Variants in POLL observed in about 807,000 individuals in gnomAD.
POLL encodes the protein DNA polymerase beta-2.
POLL carries 44 observed loss-of-function variants against 58.1 expected under a neutral mutation model. The ratio of observed to expected loss-of-function variants is 0.76; its 90% CI spans 0.60 to 0.97. The LOEUF (loss-of-function observed/expected upper bound fraction) is 0.97, where lower values mean the gene tolerates loss of function less well. Ranked by LOEUF, POLL falls within the 50% of genes least tolerant of loss-of-function variation. POLL has a pLI of 0.00. For missense variants in POLL, 632 were observed against 736.8 expected, an observed-to-expected ratio of 0.86 and a Z score of 1.65; for synonymous variants, 290 against 283.2, an observed-to-expected ratio of 1.02 and a Z score of -0.24.
Position 101,583,586 on chromosome 10 carries a change from A to G in POLL, c.987T>C (p.Ser329=). Residue 329 remains serine (S), a synonymous_variant, in exon 6 of 9, where the codon AGT becomes AGC. Coordinates refer to ENST00000370162, the MANE Select transcript of POLL (RefSeq NM_001174084.2). ...SGHLRKLDHI[S]ESVPVLELFS... is the part of the protein sequence containing the mutation. ...AGAGCTCCAAGACAGGCACGCTCTCACTGATATGGTCCAGCTTCCGCAAAT... is the reference window on the plus strand; with the variant it reads ...AGAGCTCCAAGACAGGCACGCTCTCGCTGATATGGTCCAGCTTCCGCAAAT... The G allele has an allele frequency of 6.2e-7, 1 of 1,613,966 alleles. No homozygotes were observed. The highest frequency in any genetic ancestry group is 2.2e-5 in the East Asian group (1 of 44,872).
rs2063427560 is a variant in POLL at position 101,587,326 on chromosome 10, T to G, written c.35A>C (p.Lys12Thr). ...TGCATCAGCATGAATTTTCTGCCGC[T>G]TGGGAAATGCCTTCAAGATACCCCT... ...DPRGILKAFP[K>T]RQKIHADASS... The change falls in exon 2 of 9, where the codon AAG becomes ACG. Residue 12 changes from lysine to threonine, a missense_variant. Physicochemically the swap from Lys to Thr is moderately conservative, Grantham distance 78. Transcript: ENST00000370162. 1.2e-6 allele frequency: 2 copies of G among 1,614,068 alleles called. No individual in the cohort carries two copies. Among genetic ancestry groups the G allele is most frequent in the African/African-American group, 2.7e-5 (2 of 74,928 alleles).
chr10:101,580,018 G>A lies in POLL; in HGVS notation c.1364-201C>T. On this transcript the variant is annotated intron_variant, in intron 8 of 8. Coordinates refer to ENST00000370162, the MANE Select transcript of POLL (RefSeq NM_001174084.2). This position sits in a 1 kb window ranked among gnomAD's most constrained non-coding sequence, Gnocchi z 4.1. ...CCATAGTGTCACAGAAAGATCAGAT[G>A]AGATACTTGGCCTGCAGGGTTCACT... The A allele has an allele frequency of 1.4e-6, 1 of 706,166 alleles. No individual in the cohort carries two copies. The highest frequency in any genetic ancestry group is 2.3e-6 in the Non-Finnish European group (1 of 432,410). 43.7% of individuals were successfully genotyped at this position (706,166 alleles called of 1,614,324 possible).
rs1353967284 is a variant in POLL, at chr10:101,586,116, G to A, written c.156C>T (p.Gly52=). ...AGAGTTCTGCCCGGGCTCGTCCAAT[G>A]CCAGTGCGCACAACATGGGCCCGAA... The part of the protein sequence containing the change: ...SSLRAHVVRT[G]IGRARAELFE... Residue 52 remains glycine (G), a synonymous_variant, in exon 3 of 9, where the codon GGC becomes GGT. Coordinates refer to ENST00000370162, the MANE Select transcript of POLL (RefSeq NM_001174084.2). 1 of 1,613,670 alleles carries A rather than the reference G, an allele frequency of 6.2e-7. No homozygotes were observed. The highest frequency in any genetic ancestry group is 8.5e-7 in the Non-Finnish European group (1 of 1,179,948).
rs1246968093 is a variant in POLL at position 101,579,894 on chromosome 10, T to C, written c.1364-77A>G. 1.3e-6 allele frequency: 2 copies of C among 1,504,538 alleles called. No homozygotes were observed. The highest frequency in any genetic ancestry group is 8.9e-7 in the Non-Finnish European group (1 of 1,120,712). 93.2% of individuals were successfully genotyped at this position (1,504,538 alleles called of 1,614,324 possible). A position where few individuals can be genotyped will look rare whatever the true frequency, so the allele number is the denominator to read the frequency against. On this transcript the variant is annotated intron_variant, in intron 8 of 8. Transcript: ENST00000370162. This position sits in a 1 kb window ranked among gnomAD's most constrained non-coding sequence, Gnocchi z 4.4. ...TCCCATCCTCCCAGGTCTCTCCTGA[T>C]GTCTAAGCTGGGGCTTGCCCAGGTA...
At position 101,579,274 on chromosome 10, in the gene POLL, G is replaced by A. The variant is rs191817637; in HGVS notation, c.*179C>T. The stretch of plus-strand genomic sequence containing the variant: ...GAGGGCTGGGCAGACACTGGGAGCC[G>A]GGCAGACACTGGGAGCCGGGCTGGC... On this transcript the variant is annotated 3_prime_UTR_variant, in exon 9 of 9. Coordinates refer to ENST00000370162, the MANE Select transcript of POLL (RefSeq NM_001174084.2). This position sits in a 1 kb window ranked among gnomAD's most constrained non-coding sequence, Gnocchi z 4.4. The A allele has an allele frequency of 4.3e-5, 29 of 674,414 alleles. No homozygotes were observed. The highest frequency in any genetic ancestry group is 4.2e-4 in the Middle Eastern group (1 of 2,392). The allele number at this position is 674,414 out of a possible 1,614,324, so 41.8% of individuals were successfully genotyped here.
chr10:101,580,131 G>C lies in POLL; in HGVS notation c.1363+117C>G. The C allele has an allele frequency of 1.1e-6, 1 of 936,662 alleles. No individual in the cohort carries two copies. The highest frequency in any genetic ancestry group is 1.6e-6 in the Non-Finnish European group (1 of 611,256). 58.0% of individuals were successfully genotyped at this position (936,662 alleles called of 1,614,324 possible). A position where few individuals can be genotyped will look rare whatever the true frequency, so the allele number is the denominator to read the frequency against. ...GATAGAGAGATGGGATGCTGGCAAA[G>C]CACTGTTCCCCTGCTTCCTGCCTCA... On this transcript the variant is annotated intron_variant, in intron 8 of 8. Transcript: ENST00000370162. The surrounding 1 kb of genome is among the most constrained non-coding windows in gnomAD (Gnocchi z 4.1).
rs2063256670 is a variant in POLL at position 101,585,329 on chromosome 10, T to G, written c.560A>C (p.Asn187Thr). 6.4e-7 allele frequency: 1 copy of G among 1,573,676 alleles called. No individual in the cohort carries two copies. The highest frequency in any genetic ancestry group is 1.4e-5 in the African/African-American group (1 of 73,484). Residue 187 changes from asparagine (N) to threonine (T), a missense_variant, in exon 4 of 9, where the codon AAC becomes ACC. Physicochemically the swap from Asn to Thr is moderately conservative, Grantham distance 65. Transcript: ENST00000370162. ...GAGGCTCCTGACCTGGGCTTGGGTG[T>G]TTGGTGCCTCTTTTGCCTTTTGGGG... ...SPPQKAKEAP[N>T]TQAQPISDDE...
At chr10:101,586,975 A>T in intron 2 of POLL, 1 of 504,222 alleles carries the variant, frequency 2.0e-6, no homozygotes, top group Non-Finnish European at 3.6e-6. Flanking sequence ...CCCAGTCCTC[A>T]GGGCAAAAAT....
chr10:101,583,386 A>G (rs2063111981), intron 6 of POLL, 122 bp downstream of exon 6: 2 of 1,074,050 alleles, frequency 1.9e-6, no homozygotes, highest in Middle Eastern at 6.2e-4. Flanking sequence ...TGGTCTCCCT[A>G]TACTGTGGGT....
chr10:101,580,103 C>G lies in POLL; in HGVS notation c.1363+145G>C. 1 of 777,204 alleles carries G rather than the reference C, an allele frequency of 1.3e-6. No individual in the cohort carries two copies. The allele number at this position is 777,204 out of a possible 1,614,324, so 48.1% of individuals were successfully genotyped here. ...ATCTCTCCCTGGAGAGGATTCCGGC[C>G]CCGATAGAGAGATGGGATGCTGGCA... is the stretch of plus-strand genomic sequence containing the variant. On this transcript the variant is annotated intron_variant, in intron 8 of 8. Coordinates refer to ENST00000370162, the MANE Select transcript of POLL (RefSeq NM_001174084.2). The surrounding 1 kb of genome is among the most constrained non-coding windows in gnomAD (Gnocchi z 4.1).
rs755429216 is a variant in POLL, at chr10:101,579,475, T to C, written c.1706A>G (p.Glu569Gly). ...GGGTCACCAGTCCCGCTCAGCAGGT[T>C]CTCGGTAGGGGAGGCCTAAGAGCCT... ...VFRLLGLPYR[E>G]PAERDW Residue 569 changes from glutamate (E) to glycine (G), a missense_variant, in exon 9 of 9, where the codon GAA becomes GGA. By Grantham distance (98) the Glu-to-Gly change is moderately conservative. Coordinates refer to ENST00000370162, the MANE Select transcript of POLL (RefSeq NM_001174084.2). This position sits in a 1 kb window ranked among gnomAD's most constrained non-coding sequence, Gnocchi z 4.4. 17 of 1,610,346 alleles carry C rather than the reference T, an allele frequency of 1.1e-5. No individual in the cohort carries two copies. The highest frequency in any genetic ancestry group is 3.4e-5 in the Admixed American group (2 of 59,670).
rs1311628886 is a variant in POLL at position 101,587,404 on chromosome 10, C to A, written c.-44G>T. 3 of 1,611,488 alleles carry A rather than the reference C, an allele frequency of 1.9e-6. No homozygotes were observed. Among genetic ancestry groups the A allele is most frequent in the African/African-American group, 1.3e-5 (1 of 74,838 alleles). On this transcript the variant is annotated splice_region_variant and 5_prime_UTR_variant, in exon 2 of 9. Transcript: ENST00000370162. Reference sequence around the variant, plus strand: ...CGGCCTATTGGAGCGTTGGTCAGGGCTGCTGCACGTGGAAATCCAGAATTG... The same window carrying A: ...CGGCCTATTGGAGCGTTGGTCAGGGATGCTGCACGTGGAAATCCAGAATTG...
At chr10:101,581,952 T>C (rs1489155276) in intron 7 of POLL, 1 of 152,138 alleles carries the variant, frequency 6.6e-6, no homozygotes, top group Non-Finnish European at 1.5e-5. Context: ...ATTATAGGCA[T>C]GAGCCACGGC....
rs1033878040 is a variant in POLL, at chr10:101,579,174, G to A, written c.*279C>T. ...GCCACCTGCTCCTGCTTAAAATGGG[G>A]CAAGGGGCCATTTGCAAAATTCTTC... is the stretch of plus-strand genomic sequence containing the variant. On this transcript the variant is annotated 3_prime_UTR_variant, in exon 9 of 9. Coordinates refer to ENST00000370162, the MANE Select transcript of POLL (RefSeq NM_001174084.2). This position sits in a 1 kb window ranked among gnomAD's most constrained non-coding sequence, Gnocchi z 4.4. 9 of 458,528 alleles carry A rather than the reference G, an allele frequency of 2.0e-5. No individual in the cohort carries two copies. The highest frequency in any genetic ancestry group is 3.1e-5 in the Non-Finnish European group (8 of 255,962). The allele number at this position is 458,528 out of a possible 1,614,324, so 28.4% of individuals were successfully genotyped here. A position where few individuals can be genotyped will look rare whatever the true frequency, so the allele number is the denominator to read the frequency against.
At chr10:101,587,192 A>G in intron 2 of POLL, 54 bp downstream of exon 2, 1 of 1,613,716 alleles carries the variant, frequency 6.2e-7, no homozygotes, top group Non-Finnish European at 8.5e-7. Flanking sequence ...GGGCTGAAGC[A>G]CATGAAGGCT....
Position 101,582,986 on chromosome 10 carries a change from T to G in POLL, c.1066-95A>C, listed in dbSNP as rs1405821744. The G allele has an allele frequency of 2.6e-6, 4 of 1,521,120 alleles. No homozygotes were observed. The African/African-American group carries it at 5.5e-5, about 21-fold the overall frequency. 94.2% of individuals were successfully genotyped at this position (1,521,120 alleles called of 1,614,324 possible). On this transcript the variant is annotated intron_variant, in intron 6 of 8. Coordinates refer to ENST00000370162, the MANE Select transcript of POLL (RefSeq NM_001174084.2). ...ACACAAGGCTTCCATCGCCCCAGAC[T>G]CTAGGGAAGGCTAGAGGCAGGACCA...
chr10:101,587,998 C>T lies in POLL; in HGVS notation c.-223G>A, dbSNP rs1481928967. 2 of 1,323,736 alleles carry T rather than the reference C, an allele frequency of 1.5e-6. No homozygotes were observed. The highest frequency in any genetic ancestry group is 2.0e-6 in the Non-Finnish European group (2 of 1,012,580). 82.0% of individuals were successfully genotyped at this position (1,323,736 alleles called of 1,614,324 possible). A position where few individuals can be genotyped will look rare whatever the true frequency, so the allele number is the denominator to read the frequency against. ...CTCCGGGAATGGAGGAGTCTCGCAG[C>T]TGCGGGTGAAGTCCCGGGCAGGTGC... On this transcript the variant is annotated 5_prime_UTR_variant, in exon 1 of 9. Coordinates refer to ENST00000370162, the MANE Select transcript of POLL (RefSeq NM_001174084.2).
Position 101,580,161 on chromosome 10 carries a change from TG to T in POLL, c.1363+86del. ...GTTCCCCTGCTTCCTGCCTCAGGAC[TG>T]GAACTTCTGAGGTTCTCCCTCTGAG... On this transcript the variant is annotated intron_variant, in intron 8 of 8. Coordinates refer to ENST00000370162, the MANE Select transcript of POLL (RefSeq NM_001174084.2). This position sits in a 1 kb window ranked among gnomAD's most constrained non-coding sequence, Gnocchi z 4.1. 3.5e-6 allele frequency: 4 copies of T among 1,158,440 alleles called. No individual in the cohort carries two copies. Among genetic ancestry groups the T allele is most frequent in the Non-Finnish European group, 5.0e-6 (4 of 803,316 alleles). The allele number at this position is 1,158,440 out of a possible 1,614,324, so 71.8% of individuals were successfully genotyped here.
chr10:101,586,464 C>G (rs1414890299), intron 2 of POLL, among the ~76,000 whole-genome samples: 1 of 152,084 alleles, frequency 6.6e-6, no homozygotes, highest in African/African-American at 2.4e-5. Context: ...TCCCTTCTTA[C>G]TTTGTTTTTT....
Sources: gnomAD v4.1 joint callset for allele counts (sites outside exome capture counted in the v4.1 genomes callset) on GRCh38, gnomAD v4.1.1 for gene constraint, Gnocchi (gnomAD v3.1) non-coding constraint, MANE v1.5 for transcripts, NCBI Gene and HGNC (gene_info 2026-07-23, HGNC 2026-07-21) for gene names.